Variants in PID1 observed in about 807,000 individuals in gnomAD.
PID1 encodes the protein PTB-containing, cubilin and LRP1-interacting protein.
PID1 carries 10 observed loss-of-function variants against 19.1 expected under a neutral mutation model. That is an observed-to-expected ratio of 0.52 (90% CI 0.32 to 0.89). PID1 has a LOEUF of 0.89. Ranked by LOEUF, PID1 falls within the 40% of genes least tolerant of loss-of-function variation. The pLI, the probability that PID1 is intolerant of heterozygous loss-of-function variation, is 0.03. For missense variants in PID1, 248 were observed against 285.3 expected (o/e 0.87, Z 0.94); for synonymous variants, 130 against 116.0 (o/e 1.12, Z -0.78).
intron 2 of PID1, among the ~76,000 whole-genome samples, chr2:229,045,796 C>A (rs575666621): frequency 6.6e-6 from 1 of 152,200 alleles, no homozygotes; most frequent in Non-Finnish European, 1.5e-5. Flanking sequence ...CACACTGTCA[C>A]GGAGCATGCC....
At chr2:229,045,223 G>C (rs1693851355) in intron 2 of PID1, among the ~76,000 whole-genome samples, 1 of 152,146 alleles carries the variant, frequency 6.6e-6, no homozygotes, top group African/African-American at 2.4e-5. Context: ...CAAAATATTG[G>C]GATTACAGGC....
At chr2:229,141,771 TGAA>T (rs1327917607) in intron 2 of PID1, among the ~76,000 whole-genome samples, 1 of 152,130 alleles carries the variant, frequency 6.6e-6, no homozygotes, top group Non-Finnish European at 1.5e-5. Context: ...ATTTGGCTTC[TGAA>T]GATGCCTGGT....
chr2:229,254,451 T>C (rs994946133), intron 1 of PID1, among the ~76,000 whole-genome samples: 1 of 152,170 alleles, frequency 6.6e-6, no homozygotes, highest in African/African-American at 2.4e-5. Context: ...AACCACATGA[T>C]AAATTCCAGG....
intron 1 of PID1, among the ~76,000 whole-genome samples, chr2:229,251,944 T>TAAA (rs11284650): frequency 1.4e-5 from 1 of 71,472 alleles, no homozygotes; most frequent in Non-Finnish European, 2.9e-5. Flanking sequence ...AACCATAAGC[T>TAAA]AAAAAAAAAA....
Position 229,087,680 on chromosome 2 carries a change from A to C in PID1, c.178-61572T>G, listed in dbSNP as rs186008344. Among the ~76,000 whole-genome samples, 910 of 150,450 alleles carry C rather than the reference A, an allele frequency of 6.0e-3. 12 individuals are homozygous for C. The highest frequency in any genetic ancestry group is 0.022 in the African/African-American group (871 of 39,772). Reference sequence around the variant, plus strand: ...TCTCCCTTTCTCCTTAAACACACACATGATACAACACACACAAGCTTTAAG... The same window carrying C: ...TCTCCCTTTCTCCTTAAACACACACCTGATACAACACACACAAGCTTTAAG... On this transcript the variant is annotated intron_variant, in intron 2 of 2. Transcript: ENST00000392055.
At chr2:229,099,790 A>C (rs552498205) in intron 2 of PID1, among the ~76,000 whole-genome samples, 55 of 152,282 alleles carry the variant, frequency 3.6e-4, no homozygotes, top group Non-Finnish European at 7.1e-4. Context: ...CATTGATTTC[A>C]CTCACTTTTG....
intron 2 of PID1, among the ~76,000 whole-genome samples, chr2:229,147,879 G>C (rs1002533331): frequency 2.6e-5 from 4 of 152,188 alleles, no homozygotes; most frequent in African/African-American, 9.7e-5. Flanking sequence ...ACGATTTACA[G>C]CTATAGCCCT....
At chr2:229,260,570 C>T (rs2106291264) in intron 1 of PID1, among the ~76,000 whole-genome samples, 1 of 150,968 alleles carries the variant, frequency 6.6e-6, no homozygotes, top group East Asian at 1.9e-4. Context: ...CATGTGTTTA[C>T]ACATATGTAT....
chr2:229,127,902 G>T (rs900652925), intron 2 of PID1, among the ~76,000 whole-genome samples: 4 of 152,164 alleles, frequency 2.6e-5, no homozygotes, highest in Non-Finnish European at 4.4e-5. Flanking sequence ...GCAGTGCTGG[G>T]AAAACTGCCA....
chr2:229,169,294 T>C (rs1421491913), intron 1 of PID1, among the ~76,000 whole-genome samples: 2 of 152,182 alleles, frequency 1.3e-5, no homozygotes, highest in Admixed American at 6.5e-5. Context: ...CTGTTTTCTA[T>C]ATATCAGTCT....
intron 1 of PID1, among the ~76,000 whole-genome samples, chr2:229,240,156 A>G (rs1689835846): frequency 1.3e-5 from 2 of 152,152 alleles, no homozygotes; most frequent in Admixed American, 6.6e-5. Context: ...ATACATTGCT[A>G]ATTATTTTCC....
chr2:229,046,428 C>A (rs559881363), intron 2 of PID1, among the ~76,000 whole-genome samples: 1 of 150,316 alleles, frequency 6.7e-6, no homozygotes, highest in Non-Finnish European at 1.5e-5. Context: ...AAAAAACGCA[C>A]TTTGTGGTAA....
At chr2:229,237,745 C>T (rs917855833) in intron 1 of PID1, among the ~76,000 whole-genome samples, 6 of 152,104 alleles carry the variant, frequency 3.9e-5, no homozygotes, top group Non-Finnish European at 7.4e-5. Flanking sequence ...TTACCCGCCC[C>T]ATACACACAA....
chr2:229,237,179 C>G (rs1027225647), intron 1 of PID1, among the ~76,000 whole-genome samples: 5 of 152,048 alleles, frequency 3.3e-5, no homozygotes, highest in Non-Finnish European at 7.4e-5. Flanking sequence ...CTTTTTGCAT[C>G]CAGAGAATAA....
intron 1 of PID1, among the ~76,000 whole-genome samples, chr2:229,223,193 C>T (rs1692010082): frequency 6.6e-6 from 1 of 152,070 alleles, no homozygotes; most frequent in African/African-American, 2.4e-5. Context: ...TGCCACCATA[C>T]CAAGGGCCTA....
intron 2 of PID1, among the ~76,000 whole-genome samples, chr2:229,143,546 G>T (rs1433183008): frequency 6.6e-6 from 1 of 152,042 alleles, no homozygotes; most frequent in African/African-American, 2.4e-5. Context: ...TCCACACCAA[G>T]GCACGTAACC....
At chr2:229,159,303 C>T (rs1690446810) in intron 1 of PID1, among the ~76,000 whole-genome samples, 1 of 152,196 alleles carries the variant, frequency 6.6e-6, no homozygotes, top group African/African-American at 2.4e-5. Flanking sequence ...AAAGCATTGA[C>T]TTGGCTAGGC....
chr2:229,081,886 T>G (rs1319145043), intron 2 of PID1, among the ~76,000 whole-genome samples: 1 of 152,162 alleles, frequency 6.6e-6, no homozygotes, highest in African/African-American at 2.4e-5. Context: ...ATTCTCAAAG[T>G]CAGGGGAGTT....
intron 1 of PID1, among the ~76,000 whole-genome samples, chr2:229,248,799 T>C (rs1482366695): frequency 6.6e-6 from 1 of 152,242 alleles, no homozygotes; most frequent in Admixed American, 6.5e-5. Context: ...CAAAAGCTGT[T>C]ATTTATTTTG....
Sources: gnomAD v4.1 joint callset for allele counts (sites outside exome capture counted in the v4.1 genomes callset) on GRCh38, gnomAD v4.1.1 for gene constraint, MANE v1.5 for transcripts, NCBI Gene and HGNC (gene_info 2026-07-23, HGNC 2026-07-21) for gene names.